The following CLOCK variants were observed in gnomAD, a reference collection of about 807,000 sequenced individuals.
CLOCK encodes the protein circadian locomoter output cycles protein kaput.
CLOCK carries 43 observed loss-of-function variants against 118.4 expected under a neutral mutation model. That is an observed-to-expected ratio of 0.36 (90% CI 0.28 to 0.47). CLOCK has a LOEUF of 0.47. Among genes scored for constraint, CLOCK ranks in the 20% least tolerant of loss-of-function variants. CLOCK has a pLI of 1.00. For missense variants in CLOCK, 846 were observed against 999.9 expected, an observed-to-expected ratio of 0.85 and a Z score of 2.08; for synonymous variants, 326 against 339.2, an observed-to-expected ratio of 0.96 and a Z score of 0.43.
intron 15 of CLOCK, 104 bp from the exon 16 acceptor site, chr4:55,450,336 CA>C: frequency 7.2e-7 from 1 of 1,383,200 alleles, no homozygotes; most frequent in Non-Finnish European, 1.0e-6. Context: ...TTGTCTATAA[CA>C]AGGCAAAAGT....
chr4:55,479,705 AG>A lies in CLOCK; in HGVS notation c.48-7del. ...CAAAAATACTACTGTCATCTCTAAA[AG>A]AAAGCGGATAGAGAAAGTAAGAGCA... On this transcript the variant is annotated splice_region_variant and splice_polypyrimidine_tract_variant and intron_variant, in intron 4 of 22. Coordinates refer to ENST00000513440, the MANE Select transcript of CLOCK (RefSeq NM_004898.4). 1 of 1,612,036 alleles carries A rather than the reference AG, an allele frequency of 6.2e-7. No individual in the cohort carries two copies. Among genetic ancestry groups the A allele is most frequent in the Non-Finnish European group, 8.5e-7 (1 of 1,178,468 alleles).
chr4:55,452,892 CTAAAA>C, intron 15 of CLOCK, 157 bp downstream of exon 15: 2 of 555,160 alleles, frequency 3.6e-6, no homozygotes, highest in Non-Finnish European at 6.2e-6. Flanking sequence ...AGGTGAGACT[CTAAAA>C]TATTAAATTA....
At chr4:55,508,594 AT>A (rs11133393) in intron 2 of CLOCK, among the ~76,000 whole-genome samples, 35,725 of 146,424 alleles carry the variant, frequency 0.24, 4,433 homozygotes, top group South Asian at 0.37. Context: ...ACACGGGTAA[AT>A]TTTTTTTTTT....
intron 8 of CLOCK, among the ~76,000 whole-genome samples, chr4:55,464,528 C>T (rs927074388): frequency 3.3e-5 from 5 of 152,194 alleles, no homozygotes; most frequent in Non-Finnish European, 5.9e-5. Context: ...TGGTTTCCTG[C>T]GTTTCAAACT....
intron 8 of CLOCK, among the ~76,000 whole-genome samples, chr4:55,466,097 C>T (rs1560436368): frequency 6.6e-6 from 1 of 152,118 alleles, no homozygotes; most frequent in Non-Finnish European, 1.5e-5. Flanking sequence ...ACCCAAATCT[C>T]ATCTTGTTGT....
intron 18 of CLOCK, among the ~76,000 whole-genome samples, chr4:55,445,528 T>A (rs1191082503): frequency 6.6e-6 from 1 of 151,114 alleles, no homozygotes; most frequent in Non-Finnish European, 1.5e-5. Flanking sequence ...CCTTGGGTAC[T>A]CTCCATCTAC....
chr4:55,453,724 C>T lies in CLOCK; in HGVS notation c.1083G>A (p.Gln361=), dbSNP rs375646929. The change falls in exon 14 of 23, where the codon CAG becomes CAA. Residue 361 remains glutamine (Q), a synonymous_variant. Coordinates refer to ENST00000513440, the MANE Select transcript of CLOCK (RefSeq NM_004898.4). ...LQTHYYITYH[Q]WNSRPEFIVC... ...CAATAAACTCTGGCCTTGAATTCCA[C>T]TGATGGTAAGTGATATAATAATGAG... The T allele has an allele frequency of 1.2e-6, 2 of 1,611,086 alleles. No homozygotes were observed. Among genetic ancestry groups the T allele is most frequent in the South Asian group, 1.1e-5 (1 of 90,668 alleles).
At chr4:55,464,143 G>T (rs1377004003) in intron 8 of CLOCK, among the ~76,000 whole-genome samples, 1 of 152,152 alleles carries the variant, frequency 6.6e-6, no homozygotes, top group Middle Eastern at 3.2e-3. Context: ...CAAACCTATG[G>T]TAAACAATGG....
At chr4:55,449,279 G>GT in intron 17 of CLOCK, 117 bp downstream of exon 17, 1 of 911,570 alleles carries the variant, frequency 1.1e-6, no homozygotes. Context: ...TCACATATCA[G>GT]TAACTATTTT....
At chr4:55,500,117 T>G (rs1684166186) in intron 2 of CLOCK, among the ~76,000 whole-genome samples, 1 of 152,034 alleles carries the variant, frequency 6.6e-6, no homozygotes, top group African/African-American at 2.4e-5. Flanking sequence ...TCTCTTGGAG[T>G]TTTTGCTAAC....
chr4:55,450,783 A>G (rs988621317), intron 15 of CLOCK, among the ~76,000 whole-genome samples: 5 of 150,786 alleles, frequency 3.3e-5, no homozygotes, highest in Non-Finnish European at 5.9e-5. Flanking sequence ...AAAAAAAAAC[A>G]TTAACTCAAA....
At chr4:55,522,098 C>A (rs919206883) in intron 1 of CLOCK, among the ~76,000 whole-genome samples, 1 of 152,158 alleles carries the variant, frequency 6.6e-6, no homozygotes, top group African/African-American at 2.4e-5. Flanking sequence ...TACCGGATTT[C>A]TTTCTTACCA....
intron 1 of CLOCK, among the ~76,000 whole-genome samples, chr4:55,544,114 A>AT (rs1731455487): frequency 1.6e-5 from 1 of 62,106 alleles, no homozygotes; most frequent in Admixed American, 1.7e-4. Flanking sequence ...GTTTTCAACA[A>AT]TCCAGTCCTA....
At chr4:55,492,727 C>A (rs1727801450) in intron 2 of CLOCK, among the ~76,000 whole-genome samples, 1 of 152,050 alleles carries the variant, frequency 6.6e-6, no homozygotes, top group Non-Finnish European at 1.5e-5. Flanking sequence ...CGCCTGTAAT[C>A]CCAGTTACTC....
Position 55,440,469 on chromosome 4 carries a change from A to ATGCCAC in CLOCK, c.2106-1933_2106-1932insGTGGCA, listed in dbSNP as rs1553889832. Among the ~76,000 whole-genome samples the ATGCCAC allele has an allele frequency of 2.0e-5, 3 of 152,220 alleles. No individual in the cohort carries two copies. The East Asian group carries it at 5.8e-4, about 29-fold the overall frequency. On this transcript the variant is annotated intron_variant, in intron 21 of 22. Coordinates refer to ENST00000513440, the MANE Select transcript of CLOCK (RefSeq NM_004898.4). Reference sequence around the variant, plus strand: ...CATTACAGTGAGATATGACACTAACATAGATGTGGCATGACATAACTGTAT... The same window carrying ATGCCAC: ...CATTACAGTGAGATATGACACTAACATGCCACTAGATGTGGCATGACATAACTGTAT...
rs1187521898 is a variant in CLOCK at position 55,455,934 on chromosome 4, C to T, written c.945G>A (p.Val315=). 1.2e-6 allele frequency: 2 copies of T among 1,613,680 alleles called. No homozygotes were observed. Among genetic ancestry groups the T allele is most frequent in the South Asian group, 1.1e-5 (1 of 91,074 alleles). ...LGTSGYDYYH[V]DDLENLAKCH... The stretch of plus-strand genomic sequence containing the variant: ...ATTTTGCCAAATTTTCTAGGTCATC[C>T]ACATGATAGTAATCATAGCCTGATG... The change falls in exon 13 of 23, where the codon GTG becomes GTA. Residue 315 remains valine, a synonymous_variant. Coordinates refer to ENST00000513440, the MANE Select transcript of CLOCK (RefSeq NM_004898.4).
chr4:55,476,994 A>G (rs1726557919), intron 6 of CLOCK, among the ~76,000 whole-genome samples: 1 of 152,150 alleles, frequency 6.6e-6, no homozygotes, highest in South Asian at 2.1e-4. Flanking sequence ...CTGTAGTGGA[A>G]TATGAAGAGT....
At chr4:55,541,648 T>C (rs57846771) in intron 1 of CLOCK, among the ~76,000 whole-genome samples, 2,494 of 152,338 alleles carry the variant, frequency 0.016, 65 homozygotes, top group African/African-American at 0.058. Flanking sequence ...ATATTAACAC[T>C]GGCTGACATA....
chr4:55,474,561 G>A (rs1387194984), intron 7 of CLOCK, among the ~76,000 whole-genome samples: 3 of 152,144 alleles, frequency 2.0e-5, no homozygotes, highest in East Asian at 1.9e-4. Context: ...TAGAACTTTC[G>A]TAGTTAGAAA....
Sources: gnomAD v4.1 joint callset for allele counts (sites outside exome capture counted in the v4.1 genomes callset) on GRCh38, gnomAD v4.1.1 for gene constraint, MANE v1.5 for transcripts, NCBI Gene and HGNC (gene_info 2026-07-23, HGNC 2026-07-21) for gene names.